DNM3: variants seen among roughly 807,000 people sequenced by gnomAD.
DNM3 encodes the protein dynamin 3.
A neutral mutation model predicts 101.6 loss-of-function variants in DNM3; 47 were observed. That is an observed-to-expected ratio of 0.46 (90% CI 0.37 to 0.59). DNM3 has a LOEUF of 0.59. DNM3 is among the 20% of genes least tolerant of loss of function. The pLI is 0.00. For missense variants in DNM3, 849 were observed against 1,085.7 expected (o/e 0.78, Z 3.06); for synonymous variants, 385 against 387.9 (o/e 0.99, Z 0.09).
chr1:171,951,964 G>A (rs1230641264), intron 2 of DNM3, among the ~76,000 whole-genome samples: 1 of 152,176 alleles, frequency 6.6e-6, no homozygotes. Context: ...GAGAGTTGGG[G>A]TGTTACAGGT....
At chr1:171,887,018 G>A (rs2036840610) in intron 1 of DNM3, among the ~76,000 whole-genome samples, 1 of 152,160 alleles carries the variant, frequency 6.6e-6, no homozygotes, top group African/African-American at 2.4e-5. Context: ...TCAAATACAA[G>A]GGCAGGAGAA....
chr1:172,216,134 A>G lies in DNM3; in HGVS notation c.1660-37439A>G, dbSNP rs2148542294. ...CTTGAACAGAATCAAGAAATTTACC[A>G]TTTAGTTATAAAATTAGATGCAGCA... On this transcript the variant is annotated intron_variant, in intron 14 of 20. Transcript: ENST00000627582. 2.6e-5 allele frequency among the ~76,000 whole-genome samples: 4 copies of G among 152,180 alleles called. No homozygotes were observed. In the South Asian group the frequency reaches 8.3e-4, roughly 32 times the overall value.
At chr1:172,219,131 T>A (rs1441456574) in intron 14 of DNM3, among the ~76,000 whole-genome samples, 1 of 151,838 alleles carries the variant, frequency 6.6e-6, no homozygotes, top group Non-Finnish European at 1.5e-5. Flanking sequence ...GGTAGGAGAA[T>A]TGCTTGAGCC....
chr1:172,051,914 C>A (rs928449875), intron 10 of DNM3, among the ~76,000 whole-genome samples: 2 of 152,182 alleles, frequency 1.3e-5, no homozygotes, highest in African/African-American at 4.8e-5. Context: ...CCCCAGGCTT[C>A]TGAAGAGCTT....
chr1:172,166,409 C>T (rs2058746835), intron 14 of DNM3, among the ~76,000 whole-genome samples: 3 of 151,982 alleles, frequency 2.0e-5, no homozygotes, highest in Admixed American at 2.0e-4. Context: ...TTTATATATG[C>T]TGTAATATGA....
intron 14 of DNM3, among the ~76,000 whole-genome samples, chr1:172,205,175 T>C (rs1446661538): frequency 6.6e-6 from 1 of 152,156 alleles, no homozygotes; most frequent in East Asian, 1.9e-4. Flanking sequence ...GAATAGAGGG[T>C]AAATTCAAAC....
At chr1:172,042,517 G>A (rs1328450683) in intron 8 of DNM3, among the ~76,000 whole-genome samples, 2 of 152,150 alleles carry the variant, frequency 1.3e-5, no homozygotes, top group African/African-American at 2.4e-5. Context: ...AAATACGAAA[G>A]TTTCAAATGT....
intron 14 of DNM3, among the ~76,000 whole-genome samples, chr1:172,157,249 A>ATG (rs2058375522): frequency 6.6e-6 from 1 of 152,066 alleles, no homozygotes; most frequent in Admixed American, 6.6e-5. Flanking sequence ...GATCCCTTGC[A>ATG]TGTGCAGTTC....
intron 17 of DNM3, among the ~76,000 whole-genome samples, chr1:172,329,374 A>G (rs969207111): frequency 7.9e-5 from 12 of 152,188 alleles, no homozygotes; most frequent in African/African-American, 2.2e-4. Flanking sequence ...AATAGATCCA[A>G]TGGAAATTAG....
intron 15 of DNM3, among the ~76,000 whole-genome samples, chr1:172,269,468 G>A (rs754393066): frequency 6.6e-6 from 1 of 152,098 alleles, no homozygotes; most frequent in Admixed American, 6.6e-5. Flanking sequence ...GAAAAAATAT[G>A]ATCAATTCTA....
At chr1:172,328,114 T>C (rs1047248021) in intron 17 of DNM3, among the ~76,000 whole-genome samples, 15 of 152,166 alleles carry the variant, frequency 9.9e-5, no homozygotes, top group African/African-American at 3.1e-4. Flanking sequence ...AGAAAGCTTA[T>C]AGTAGATTAT....
At chr1:172,405,123 C>T (rs1227702574) in intron 20 of DNM3, among the ~76,000 whole-genome samples, 2 of 152,158 alleles carry the variant, frequency 1.3e-5, no homozygotes, top group Admixed American at 6.6e-5. Flanking sequence ...GACCTACTCA[C>T]CTTGATCTAG....
intron 14 of DNM3, among the ~76,000 whole-genome samples, chr1:172,220,879 T>C (rs190475946): frequency 8.3e-4 from 127 of 152,316 alleles, no homozygotes; most frequent in African/African-American, 3.0e-3. Context: ...AATAGGCACA[T>C]TAAAGTTTTC....
At position 172,314,913 on chromosome 1, in the gene DNM3, T is replaced by G. The variant is rs573653150; in HGVS notation, c.1881+6074T>G. On this transcript the variant is annotated intron_variant, in intron 16 of 20. Transcript: ENST00000627582. Reference sequence around the variant, plus strand: ...GGTTCTCCCAGCACGCAGCTGGAGATCTGAGAACAGGCAGACTGCCTCCTC... The same window carrying G: ...GGTTCTCCCAGCACGCAGCTGGAGAGCTGAGAACAGGCAGACTGCCTCCTC... 8.5e-5 allele frequency among the ~76,000 whole-genome samples: 13 copies of G among 152,284 alleles called. No homozygotes were observed. The South Asian group carries it at 2.7e-3, about 32-fold the overall frequency.
chr1:171,926,502 C>A lies in DNM3; in HGVS notation c.235+4681C>A, dbSNP rs148519429. 7.9e-5 allele frequency among the ~76,000 whole-genome samples: 12 copies of A among 152,156 alleles called. No homozygotes were observed. The East Asian group carries it at 2.3e-3, about 29-fold the overall frequency. ...TCTTTCCTCACTGTAGGATCTTGGC[C>A]CCTTTGTCAAAAATCTGTTGACCAG... On this transcript the variant is annotated intron_variant, in intron 2 of 20. Transcript: ENST00000627582.
intron 4 of DNM3, among the ~76,000 whole-genome samples, chr1:172,005,523 C>T (rs796411089): frequency 5.3e-5 from 8 of 152,134 alleles, no homozygotes; most frequent in African/African-American, 1.9e-4. Flanking sequence ...GACACTATCA[C>T]TCGTCTAAGG....
At chr1:172,241,164 C>T (rs1050826743) in intron 14 of DNM3, among the ~76,000 whole-genome samples, 2 of 151,930 alleles carry the variant, frequency 1.3e-5, no homozygotes, top group African/African-American at 2.4e-5. Context: ...TGCCATCTCT[C>T]TCACTCACAC....
intron 15 of DNM3, among the ~76,000 whole-genome samples, chr1:172,260,028 T>G (rs1372459394): frequency 1.3e-5 from 2 of 152,168 alleles, no homozygotes; most frequent in Non-Finnish European, 2.9e-5. Context: ...GTGCTGTATC[T>G]CTTAGCTTTT....
intron 10 of DNM3, among the ~76,000 whole-genome samples, chr1:172,061,825 G>A (rs1418920874): frequency 1.3e-5 from 2 of 151,732 alleles, no homozygotes; most frequent in Non-Finnish European, 2.9e-5. Context: ...GTGTTCACAT[G>A]TACCCTAAAA....
Sources: gnomAD v4.1 joint callset for allele counts (sites outside exome capture counted in the v4.1 genomes callset) on GRCh38, gnomAD v4.1.1 for gene constraint, MANE v1.5 for transcripts, NCBI Gene and HGNC (gene_info 2026-07-23, HGNC 2026-07-21) for gene names.